Variants in ACBD6 observed in about 807,000 individuals in gnomAD.
ACBD6 encodes acyl-CoA-binding domain-containing protein 6.
In ACBD6, 28 loss-of-function variants were observed where a neutral mutation model predicts 37.2. The ratio of observed to expected loss-of-function variants is 0.75; its 90% CI spans 0.56 to 1.03. The LOEUF (loss-of-function observed/expected upper bound fraction) is 1.03, where lower values mean the gene tolerates loss of function less well. ACBD6 is among the 50% of genes least tolerant of loss of function. The pLI, the probability that ACBD6 is intolerant of heterozygous loss-of-function variation, is 0.00. For synonymous variants in ACBD6, 113 were observed against 126.8 expected (o/e 0.89, Z 0.73); for missense variants, 340 against 337.4 (o/e 1.01, Z -0.06).
intron 4 of ACBD6, 104 bp from the exon 5 acceptor site, chr1:180,413,575 G>A: frequency 1.1e-6 from 1 of 882,164 alleles, no homozygotes; most frequent in Non-Finnish European, 1.8e-6. Flanking sequence ...AATGGACTCT[G>A]CTTACAAAAA....
intron 5 of ACBD6, among the ~76,000 whole-genome samples, chr1:180,413,103 T>C (rs186223505): frequency 4.1e-4 from 63 of 152,294 alleles, no homozygotes; most frequent in Non-Finnish European, 2.6e-4. Flanking sequence ...ATGCGAATAA[T>C]CTCTCCCTTT....
At chr1:180,482,352 G>C (rs544128038) in intron 3 of ACBD6, among the ~76,000 whole-genome samples, 35 of 152,124 alleles carry the variant, frequency 2.3e-4, no homozygotes, top group Non-Finnish European at 4.6e-4. Flanking sequence ...AAAGAAAGGA[G>C]AGTGTCAGTT....
chr1:180,315,045 A>T (rs921116699), intron 6 of ACBD6, among the ~76,000 whole-genome samples: 1 of 151,974 alleles, frequency 6.6e-6, no homozygotes. Flanking sequence ...AGAAAAATTG[A>T]CACTATGTCT....
At position 180,288,461 on chromosome 1, in the gene ACBD6, G is replaced by A. The variant is rs1184035125; in HGVS notation, c.751C>T (p.Pro251Ser). Residue 251 changes from proline (P) to serine (S), a missense_variant, in exon 8 of 8, where the codon CCC becomes TCC. Transcript: ENST00000367595. ...CAGCCATCCTGGTCTCGGAGAGTGGGGTCAGCACCAGACTGGAGCAGCAGC... is the reference window on the plus strand; with the variant it reads ...CAGCCATCCTGGTCTCGGAGAGTGGAGTCAGCACCAGACTGGAGCAGCAGC... ...VELLLQSGAD[P>S]TLRDQDGCLP... 13 of 1,613,636 alleles carry A rather than the reference G, an allele frequency of 8.1e-6. No individual in the cohort carries two copies. The highest frequency in any genetic ancestry group is 1.1e-5 in the Non-Finnish European group (13 of 1,179,968).
intron 7 of ACBD6, among the ~76,000 whole-genome samples, chr1:180,310,971 A>C (rs776921431): frequency 6.6e-5 from 10 of 152,230 alleles, no homozygotes; most frequent in Non-Finnish European, 1.5e-4. Context: ...AAGGTACATA[A>C]GATGTGCAGA....
At chr1:180,419,120 G>C (rs1460703384) in intron 4 of ACBD6, among the ~76,000 whole-genome samples, 1 of 152,184 alleles carries the variant, frequency 6.6e-6, no homozygotes, top group Non-Finnish European at 1.5e-5. Context: ...GCATGGTGGT[G>C]GGCGCCTGTA....
chr1:180,294,873 T>C (rs1445609293), intron 7 of ACBD6, among the ~76,000 whole-genome samples: 2 of 151,984 alleles, frequency 1.3e-5, no homozygotes, highest in African/African-American at 4.8e-5. Flanking sequence ...TTTTAAAACA[T>C]TTGTTGTAGA....
chr1:180,270,821 G>A (rs1165791228), exon 14 of ACBD6: 1 of 166,126 alleles, frequency 6.0e-6, no homozygotes, highest in African/African-American at 2.4e-5. Context: ...TACAGCCCAC[G>A]AGTGGGTTCT....
intron 6 of ACBD6, among the ~76,000 whole-genome samples, chr1:180,369,748 T>C (rs1227746646): frequency 6.6e-6 from 1 of 152,230 alleles, no homozygotes; most frequent in African/African-American, 2.4e-5. Context: ...TGGTCTCTAA[T>C]GCATAACCTT....
intron 3 of ACBD6, among the ~76,000 whole-genome samples, chr1:180,491,840 C>CA (rs1336130553): frequency 6.6e-6 from 1 of 152,092 alleles, no homozygotes; most frequent in East Asian, 1.9e-4. Flanking sequence ...GATGGAGTCT[C>CA]ACACTGTCAC....
intron 13 of ACBD6, chr1:180,272,004 G>C (rs375216188): frequency 6.2e-7 from 1 of 1,611,878 alleles, no homozygotes; most frequent in African/African-American, 1.3e-5. Flanking sequence ...CTGAGCTTCC[G>C]AGGTGAGCAG....
rs772976029 is a variant in ACBD6, at chr1:180,502,157, T to C, written c.110A>G (p.Glu37Gly). ...CAGCTCGGCCAGGCAACTGGTCTCC[T>C]CGATCTCAGGGCTATGGGGGAACTC... ...EVEFPHSPEI[E>G]ETSCLAELFE... The change falls in exon 1 of 8, where the codon GAG becomes GGG. Residue 37 changes from glutamate to glycine, a missense_variant. Glu to Gly is a moderately conservative substitution (Grantham distance 98). Transcript: ENST00000367595. 3.7e-6 allele frequency: 6 copies of C among 1,614,114 alleles called. No homozygotes were observed. The highest frequency in any genetic ancestry group is 5.1e-6 in the Non-Finnish European group (6 of 1,180,018).
At chr1:180,313,716 T>C (rs1650682830) in intron 7 of ACBD6, among the ~76,000 whole-genome samples, 1 of 152,174 alleles carries the variant, frequency 6.6e-6, no homozygotes, top group Admixed American at 6.6e-5. Context: ...TCTTTTTTCT[T>C]TGGAGACAGG....
intron 3 of ACBD6, among the ~76,000 whole-genome samples, chr1:180,480,175 T>G (rs1333961305): frequency 2.0e-5 from 3 of 151,996 alleles, no homozygotes; most frequent in Non-Finnish European, 2.9e-5. Context: ...TTAAATGGGA[T>G]AAACATGGTC....
intron 5 of ACBD6, among the ~76,000 whole-genome samples, chr1:180,412,825 C>G (rs1647914384): frequency 6.6e-6 from 1 of 152,062 alleles, no homozygotes; most frequent in Admixed American, 6.6e-5. Flanking sequence ...ATGAGCGCAC[C>G]CATGCACTCC....
At chr1:180,421,492 T>C (rs1269672934) in intron 4 of ACBD6, among the ~76,000 whole-genome samples, 2 of 152,204 alleles carry the variant, frequency 1.3e-5, no homozygotes, top group Admixed American at 6.5e-5. Context: ...ACAGAATGAT[T>C]TATATTCCTT....
At chr1:180,490,479 C>CAA (rs35208205) in intron 3 of ACBD6, among the ~76,000 whole-genome samples, 4 of 135,312 alleles carry the variant, frequency 3.0e-5, no homozygotes, top group Admixed American at 1.5e-4. Context: ...CCTATCTCTA[C>CAA]AAAAAAAAAA....
chr1:180,397,595 A>G lies in ACBD6; in HGVS notation c.584T>C (p.Leu195Pro), dbSNP rs776384925. Residue 195 changes from leucine (L) to proline (P), a missense_variant, in exon 6 of 8, where the codon CTA becomes CCA. Leu to Pro is a moderately conservative substitution (Grantham distance 98, BLOSUM62 -3). Transcript: ENST00000367595. ...VNVKDEEGRALLHWACDRGHK... is the reference protein window; with the variant it reads ...VNVKDEEGRAPLHWACDRGHK... ...TCCTCGATCACAGGCCCAGTGAAGT[A>G]GAGCCCTACCCTAAAAACACAGAAG... 6.2e-7 allele frequency: 1 copy of G among 1,613,794 alleles called. No individual in the cohort carries two copies. The highest frequency in any genetic ancestry group is 8.5e-7 in the Non-Finnish European group (1 of 1,179,682).
At chr1:180,323,400 G>A (rs1001250942) in intron 6 of ACBD6, among the ~76,000 whole-genome samples, 2 of 152,014 alleles carry the variant, frequency 1.3e-5, no homozygotes, top group African/African-American at 4.8e-5. Flanking sequence ...GAAATGTTCT[G>A]TAAATATCTG....
Sources: gnomAD v4.1 joint callset for allele counts (sites outside exome capture counted in the v4.1 genomes callset) on GRCh38, gnomAD v4.1.1 for gene constraint, MANE v1.5 for transcripts, NCBI Gene and HGNC (gene_info 2026-07-23, HGNC 2026-07-21) for gene names.